Variants in COL27A1 observed in about 807,000 individuals in gnomAD.
The protein encoded by COL27A1 is collagen type XXVII alpha 1 chain, also known as collagen alpha-1(XXVII) chain.
A neutral mutation model predicts 251.3 loss-of-function variants in COL27A1; 106 were observed. That is an observed-to-expected ratio of 0.42 (90% CI 0.36 to 0.50). COL27A1 has a LOEUF of 0.50. COL27A1 is among the 20% of genes least tolerant of loss of function. COL27A1 has a pLI of 0.00. For missense variants in COL27A1, 2,325 were observed against 2,522.8 expected (o/e 0.92, Z 1.68); for synonymous variants, 1,000 against 986.3 (o/e 1.01, Z -0.26).
intron 14 of COL27A1, among the ~76,000 whole-genome samples, chr9:114,229,797 C>T (rs1325869065): frequency 1.3e-5 from 2 of 152,112 alleles, no homozygotes; most frequent in African/African-American, 2.4e-5. Flanking sequence ...AGGGAGAAAG[C>T]GTAGGCTGGT....
intron 16 of COL27A1, among the ~76,000 whole-genome samples, chr9:114,235,123 C>G (rs1354495224): frequency 6.6e-6 from 1 of 150,450 alleles, no homozygotes; most frequent in Non-Finnish European, 1.5e-5. Context: ...CTTGCTGGCA[C>G]AGAAACTCCC....
chr9:114,286,175 T>G (rs564488200), intron 41 of COL27A1, among the ~76,000 whole-genome samples: 2 of 152,098 alleles, frequency 1.3e-5, no homozygotes, highest in Non-Finnish European at 2.9e-5. Flanking sequence ...GCGAGTCCCA[T>G]GAATGAACAG....
In COL27A1 at chr9:114,264,964, A is replaced by G; in HGVS notation, c.3290A>G (p.Gln1097Arg). ...GPQGRPGRPGQQGVAGERGHL... is the reference protein window; with the variant it reads ...GPQGRPGRPGRQGVAGERGHL... The stretch of plus-strand genomic sequence containing the variant: ...CAGGGCAGACCGGGCCGGCCTGGAC[A>G]GCAGGTATGTCAGGCCAAGGCCAAG... The change falls in exon 30 of 61, where the codon CAG (glutamine) becomes CGG (arginine). Residue 1097 changes from glutamine (Q) to arginine (R), a missense_variant. Gln to Arg is a conservative substitution (Grantham distance 43). Around this residue, in one of 4 missense-constraint regions of COL27A1, gnomAD observed 662 missense variants for 795.3 expected, o/e 0.83. Transcript: ENST00000356083. 3 of 1,613,186 alleles carry G rather than the reference A, an allele frequency of 1.9e-6. No homozygotes were observed. The highest frequency in any genetic ancestry group is 2.5e-6 in the Non-Finnish European group (3 of 1,179,448).
rs1482417996 is a variant in COL27A1, at chr9:114,254,845, C to T, written c.3141+1913C>T. Among the ~76,000 whole-genome samples, 4 of 152,360 alleles carry T rather than the reference C, an allele frequency of 2.6e-5. No homozygotes were observed. In the East Asian group the frequency reaches 5.8e-4, roughly 22 times the overall value. ...AAAGAGTTCCAGCTCTTAAGACTCT[C>T]ACTGTCTGGTGGGGCTGTCAAGTAT... On this transcript the variant is annotated intron_variant, in intron 27 of 60. Transcript: ENST00000356083.
chr9:114,210,471 G>C (rs1830270926), intron 11 of COL27A1, among the ~76,000 whole-genome samples: 1 of 152,208 alleles, frequency 6.6e-6, no homozygotes, highest in South Asian at 2.1e-4. Context: ...TGGGGAAGGT[G>C]GTGGGACTGG....
intron 59 of COL27A1, 123 bp from the exon 60 acceptor site, chr9:114,309,137 A>G (rs1829268569): frequency 1.3e-6 from 1 of 791,930 alleles, no homozygotes; most frequent in Admixed American, 1.8e-5. Flanking sequence ...GTCTGGGAGC[A>G]TATCAGGAAA....
chr9:114,255,412 T>C (rs7044368), intron 27 of COL27A1, among the ~76,000 whole-genome samples: 69,085 of 152,036 alleles, frequency 0.45, 16,890 homozygotes, highest in East Asian at 0.76. Context: ...GTTCTATCCC[T>C]GGCACCCCTG....
Position 114,160,306 on chromosome 9 carries a change from C to T in COL27A1, c.63-2409C>T, listed in dbSNP as rs1408815758. On this transcript the variant is annotated intron_variant, in intron 1 of 60. Transcript: ENST00000356083. ...GGTAGCTGGGACTACAGGCGCCCGC[C>T]ACCACGCCTGGCTAATTTTTTTGTA... Among the ~76,000 whole-genome samples the T allele has an allele frequency of 5.3e-5, 8 of 152,072 alleles. 1 individual carries two copies. The highest frequency in any genetic ancestry group is 5.2e-4 in the Admixed American group (8 of 15,272).
chr9:114,309,278 C>G lies in COL27A1; in HGVS notation c.5236C>G (p.Arg1746Gly), dbSNP rs763342715. The part of the protein sequence containing the change: ...TASKVEFAIS[R>G]VQMNFLHLLS... ...TCTATAGGTCGAGTTTGCCATCAGC[C>G]GGGTCCAGATGAATTTCCTGCACCT... Residue 1746 changes from arginine to glycine, a missense_variant, in exon 60 of 61, where the codon CGG becomes GGG. By Grantham distance (125) the Arg-to-Gly change is moderately radical (BLOSUM62 -2). Around this residue, in one of 4 missense-constraint regions of COL27A1, gnomAD observed 327 missense variants for 442.8 expected, o/e 0.74. Transcript: ENST00000356083. 1.2e-6 allele frequency: 2 copies of G among 1,614,142 alleles called. No individual in the cohort carries two copies. Among genetic ancestry groups the G allele is most frequent in the Non-Finnish European group, 1.7e-6 (2 of 1,180,022 alleles).
At chr9:114,272,954 C>T (rs1031751079) in intron 36 of COL27A1, 3 of 152,152 alleles carry the variant, frequency 2.0e-5, no homozygotes, top group African/African-American at 7.2e-5. Flanking sequence ...TTCAGTTGTC[C>T]CATCTGTAAC....
At position 114,283,751 on chromosome 9, in the gene COL27A1, G is replaced by A. The variant is rs763277277; in HGVS notation, c.3922G>A (p.Ala1308Thr). The A allele has an allele frequency of 1.2e-6, 2 of 1,614,084 alleles. No individual in the cohort carries two copies. The highest frequency in any genetic ancestry group is 1.7e-6 in the Non-Finnish European group (2 of 1,179,992). ...RMGAQGEPGL[A>T]GYDGHKGIVG... ...GGGGGCCCAAGGAGAACCGGGACTG[G>A]CTGGTTATGATGTAAGCAGATATCA... Residue 1308 changes from alanine (A) to threonine (T), a missense_variant, in exon 40 of 61, where the codon GCT (alanine) becomes ACT (threonine). Physicochemically the swap from Ala to Thr is moderately conservative, Grantham distance 58. This residue lies in a region of COL27A1 where 662 missense variants were observed against 795.3 expected (regional missense o/e 0.83). Transcript: ENST00000356083.
chr9:114,205,739 T>G lies in COL27A1; in HGVS notation c.2170-20T>G, dbSNP rs1829906824. ...GGCAGGGTCTTTCTTTTCCTTATGT[T>G]TCTCTCTGTTCCTTTGCAGGGGCAG... On this transcript the variant is annotated intron_variant, in intron 8 of 60. Transcript: ENST00000356083. 1 of 1,613,254 alleles carries G rather than the reference T, an allele frequency of 6.2e-7. No homozygotes were observed. The highest frequency in any genetic ancestry group is 1.7e-5 in the Admixed American group (1 of 60,026).
chr9:114,158,098 AG>A (rs1848243844), intron 1 of COL27A1, among the ~76,000 whole-genome samples: 1 of 152,184 alleles, frequency 6.6e-6, no homozygotes, highest in Non-Finnish European at 1.5e-5. Context: ...GTCTGGGCAC[AG>A]GGGGTCTGGC....
chr9:114,222,380 C>A, intron 14 of COL27A1, 113 bp downstream of exon 14: 1 of 945,866 alleles, frequency 1.1e-6, no homozygotes, highest in Non-Finnish European at 1.6e-6. Flanking sequence ...AGACCCTTCT[C>A]TCATCAAACC....
chr9:114,172,528 G>A (rs1390079068), intron 3 of COL27A1, among the ~76,000 whole-genome samples: 2 of 152,198 alleles, frequency 1.3e-5, no homozygotes, highest in Non-Finnish European at 2.9e-5. Context: ...AGTAGAGGCT[G>A]GGCGTGGTGG....
chr9:114,217,586 C>A (rs1310258065), intron 12 of COL27A1, among the ~76,000 whole-genome samples: 4 of 152,246 alleles, frequency 2.6e-5, no homozygotes, highest in African/African-American at 9.6e-5. Flanking sequence ...TGGGGGCCTG[C>A]CCAAGGTCAG....
intron 14 of COL27A1, among the ~76,000 whole-genome samples, chr9:114,223,379 G>A (rs1260021543): frequency 1.3e-5 from 2 of 152,194 alleles, no homozygotes; most frequent in African/African-American, 2.4e-5. Context: ...AGGGAGGCAG[G>A]GAACCCCATC....
In COL27A1 at chr9:114,290,142, A is replaced by G. The variant is rs111788188; in HGVS notation, c.4260+31A>G. The G allele has an allele frequency of 2.5e-3, 4,014 of 1,609,374 alleles. 111 individuals carry two copies. The African/African-American group carries it at 0.049, about 19-fold the overall frequency. ...TGACTACAGCTGCTGTTTCCAGCCA[A>G]CCTCCCTGCCCGCCCCCCACACCCG... On this transcript the variant is annotated intron_variant, in intron 46 of 60. Coordinates refer to ENST00000356083, the MANE Select transcript of COL27A1 (RefSeq NM_032888.4). The surrounding 1 kb of genome is among the most constrained non-coding windows in gnomAD (Gnocchi z 4.6).
At chr9:114,204,537 T>C (rs1487333812) in intron 7 of COL27A1, among the ~76,000 whole-genome samples, 1 of 152,164 alleles carries the variant, frequency 6.6e-6, no homozygotes, top group Non-Finnish European at 1.5e-5. Context: ...CTGGATGGCC[T>C]ATCCCTCCCT....
Sources: gnomAD v4.1 joint callset for allele counts (sites outside exome capture counted in the v4.1 genomes callset) on GRCh38, gnomAD v4.1.1 for gene constraint, gnomAD v4.1.1 regional missense constraint, Gnocchi (gnomAD v3.1) non-coding constraint, MANE v1.5 for transcripts, NCBI Gene and HGNC (gene_info 2026-07-23, HGNC 2026-07-21) for gene names.